ATG7: variants seen among roughly 807,000 people sequenced by gnomAD.
The protein encoded by ATG7 is autophagy related 7.
ATG7 carries 70 observed loss-of-function variants against 82.4 expected under a neutral mutation model. The observed-to-expected ratio is 0.85, with a 90% CI of 0.70 to 1.04. The LOEUF (loss-of-function observed/expected upper bound fraction) is 1.04. ATG7 is among the 50% of genes least tolerant of loss of function. ATG7 has a pLI of 0.00. For synonymous variants in ATG7, 287 were observed against 313.0 expected, an observed-to-expected ratio of 0.92 and a Z score of 0.88; for missense variants, 792 against 864.3, an observed-to-expected ratio of 0.92 and a Z score of 1.05.
At chr3:11,372,055 G>A (rs1024978290) in intron 18 of ATG7, among the ~76,000 whole-genome samples, 10 of 151,326 alleles carry the variant, frequency 6.6e-5, no homozygotes, top group African/African-American at 9.8e-5. Context: ...CATTCCCCAC[G>A]GTGAGGACGG....
At chr3:11,538,348 A>G (rs929792172) in intron 20 of ATG7, among the ~76,000 whole-genome samples, 2 of 152,160 alleles carry the variant, frequency 1.3e-5, no homozygotes, top group Non-Finnish European at 2.9e-5. Context: ...CCCTTTTGCC[A>G]GACCTAATTG....
chr3:11,284,855 T>C (rs1943690519), intron 3 of ATG7, among the ~76,000 whole-genome samples: 1 of 150,998 alleles, frequency 6.6e-6, no homozygotes, highest in South Asian at 2.1e-4. Flanking sequence ...TGGCCTTTTT[T>C]TTTTTTTTTG....
intron 20 of ATG7, among the ~76,000 whole-genome samples, chr3:11,534,490 G>T (rs959265958): frequency 2.6e-5 from 4 of 152,224 alleles, no homozygotes; most frequent in Non-Finnish European, 5.9e-5. Flanking sequence ...ATGGAGGAGA[G>T]GACACCTCCC....
chr3:11,333,627 T>G (rs1049811069), intron 11 of ATG7, among the ~76,000 whole-genome samples: 2 of 148,696 alleles, frequency 1.3e-5, no homozygotes, highest in Non-Finnish European at 2.9e-5. Context: ...TATAGAGAGA[T>G]ATATGTGTGT....
At chr3:11,475,819 G>T (rs544160960) in intron 20 of ATG7, among the ~76,000 whole-genome samples, 1 of 149,576 alleles carries the variant, frequency 6.7e-6, no homozygotes, top group Admixed American at 6.7e-5. Flanking sequence ...TAGGCAGTTG[G>T]TATTATTTCT....
chr3:11,542,446 G>C (rs935432195), intron 20 of ATG7, among the ~76,000 whole-genome samples: 1 of 152,194 alleles, frequency 6.6e-6, no homozygotes, highest in African/African-American at 2.4e-5. Context: ...TAAGATGTCA[G>C]CATTTCCTCT....
chr3:11,527,045 G>A (rs1208122163), intron 20 of ATG7, among the ~76,000 whole-genome samples: 6 of 56,538 alleles, frequency 1.1e-4, no homozygotes, highest in African/African-American at 2.8e-4. Context: ...GTATATATGT[G>A]TGTGTGTGTG....
chr3:11,572,660 C>T, the ATG7 span, among the ~76,000 whole-genome samples: 1 of 152,202 alleles, frequency 6.6e-6, no homozygotes, highest in African/African-American at 2.4e-5. Context: ...ATGCTTCACA[C>T]TCCAGCATGC....
chr3:11,427,277 A>T (rs2152943780), intron 20 of ATG7, among the ~76,000 whole-genome samples: 1 of 152,256 alleles, frequency 6.6e-6, no homozygotes, highest in Admixed American at 6.5e-5. Context: ...GTTGGTAAAG[A>T]CATTGGACTC....
chr3:11,297,770 C>G (rs984238441), intron 3 of ATG7, among the ~76,000 whole-genome samples: 15 of 152,100 alleles, frequency 9.9e-5, no homozygotes, highest in Admixed American at 9.8e-4. Flanking sequence ...AAGCACTGCT[C>G]TCAGACAGAA....
intron 20 of ATG7, among the ~76,000 whole-genome samples, chr3:11,454,838 T>C (rs889219425): frequency 2.6e-5 from 4 of 152,308 alleles, no homozygotes; most frequent in African/African-American, 9.6e-5. Context: ...GGCTACCATA[T>C]TGGATGATAC....
chr3:11,335,929 TCTCATGATCCACCCGC>T (rs933461052), intron 11 of ATG7, among the ~76,000 whole-genome samples: 13 of 151,322 alleles, frequency 8.6e-5, no homozygotes, highest in African/African-American at 2.9e-4. Context: ...GAACCCCTAA[TCTCATGATCCACCCGC>T]CTCGGCCTCC....
chr3:11,395,662 T>C (rs926578194), intron 19 of ATG7, among the ~76,000 whole-genome samples: 1 of 152,172 alleles, frequency 6.6e-6, no homozygotes, highest in Non-Finnish European at 1.5e-5. Context: ...ATGAAAGGGC[T>C]GGGTGCAGTG....
intron 20 of ATG7, among the ~76,000 whole-genome samples, chr3:11,491,746 CTGTT>C (rs1191563412): frequency 2.8e-4 from 43 of 152,294 alleles, no homozygotes; most frequent in African/African-American, 9.1e-4. Flanking sequence ...AGTCCAGACC[CTGTT>C]TGCCTGGGTA....
chr3:11,533,413 T>C (rs749853346), intron 20 of ATG7, among the ~76,000 whole-genome samples: 31 of 152,038 alleles, frequency 2.0e-4, no homozygotes, highest in Admixed American at 5.9e-4. Flanking sequence ...TTAAGTGTAA[T>C]TTTAAGGAGC....
At chr3:11,327,511 G>A (rs957811484) in intron 9 of ATG7, among the ~76,000 whole-genome samples, 2 of 152,202 alleles carry the variant, frequency 1.3e-5, no homozygotes, top group Non-Finnish European at 2.9e-5. Flanking sequence ...ATAGGGTGTT[G>A]TGCAAGTTCA....
intron 14 of ATG7, among the ~76,000 whole-genome samples, chr3:11,353,270 T>C (rs112110312): frequency 0.039 from 5,869 of 152,044 alleles, 129 homozygotes; most frequent in Middle Eastern, 0.058. Context: ...GGTGAAACCC[T>C]GTCTCTACTA....
intron 20 of ATG7, among the ~76,000 whole-genome samples, chr3:11,473,339 T>G (rs543155560): frequency 6.4e-4 from 98 of 152,334 alleles, no homozygotes; most frequent in African/African-American, 2.3e-3. Context: ...TGTTTTCTGT[T>G]AAGTATACCA....
intron 1 of ATG7, among the ~76,000 whole-genome samples, chr3:11,279,293 A>C (rs1942544537): frequency 6.6e-6 from 1 of 152,252 alleles, no homozygotes; most frequent in Non-Finnish European, 1.5e-5. Context: ...TCTAAACAAA[A>C]AAGAATTGTT....
Sources: gnomAD v4.1 joint callset for allele counts (sites outside exome capture counted in the v4.1 genomes callset) on GRCh38, gnomAD v4.1.1 for gene constraint, MANE v1.5 for transcripts, NCBI Gene and HGNC (gene_info 2026-07-23, HGNC 2026-07-21) for gene names.